The following GKAP1 variants were observed in gnomAD, a reference collection of about 807,000 sequenced individuals.
GKAP1 encodes G kinase anchoring protein 1.
GKAP1 carries 31 observed loss-of-function variants against 56.7 expected under a neutral mutation model. The ratio of observed to expected loss-of-function variants is 0.55; its 90% confidence interval spans 0.41 to 0.74. The LOEUF is 0.74. GKAP1 is among the 30% of genes least tolerant of loss of function. The pLI is 0.00. For synonymous variants in GKAP1, 151 were observed against 138.6 expected, an observed-to-expected ratio of 1.09 and a Z score of -0.63; for missense variants, 364 against 402.3, an observed-to-expected ratio of 0.90 and a Z score of 0.82.
intron 4 of GKAP1, 110 bp downstream of exon 4, chr9:83,799,075 C>A: frequency 2.3e-6 from 2 of 851,310 alleles, no homozygotes; most frequent in Non-Finnish European, 3.7e-6. Flanking sequence ...TGAATTAATC[C>A]AATACAAATT....
At chr9:83,804,724 G>A (rs543336202) in intron 3 of GKAP1, among the ~76,000 whole-genome samples, 5 of 148,432 alleles carry the variant, frequency 3.4e-5, no homozygotes, top group Non-Finnish European at 6.0e-5. Context: ...AGGGAGGTGG[G>A]GTCAGCCCCC....
chr9:83,752,650 C>G (rs1478612148), intron 9 of GKAP1, among the ~76,000 whole-genome samples: 3 of 152,106 alleles, frequency 2.0e-5, no homozygotes, highest in Non-Finnish European at 4.4e-5. Flanking sequence ...TTACACAATA[C>G]TGTGTATAAA....
intron 4 of GKAP1, among the ~76,000 whole-genome samples, chr9:83,796,363 C>T (rs921602748): frequency 6.6e-6 from 1 of 152,196 alleles, no homozygotes; most frequent in African/African-American, 2.4e-5. Flanking sequence ...CTCAAATTTT[C>T]CTTCACAGAA....
chr9:83,752,604 T>C (rs576130979), intron 9 of GKAP1, among the ~76,000 whole-genome samples: 3 of 152,178 alleles, frequency 2.0e-5, no homozygotes, highest in Middle Eastern at 6.8e-3. Flanking sequence ...CTGCCTGGGA[T>C]GATGAAAAAG....
rs367572889 is a variant in GKAP1, at chr9:83,815,809, C to A, written c.-44+1187G>T. On this transcript the variant is annotated intron_variant, in intron 2 of 12. Transcript: ENST00000376371. ...ATGGCACCAAGTATCACTGATTTAA[C>A]ACCTGGTGAAATAAAAAATTGTGTT... 2.2e-4 allele frequency among the ~76,000 whole-genome samples: 34 copies of A among 152,210 alleles called. 1 individual carries two copies. Among genetic ancestry groups the A allele is most frequent in the African/African-American group, 7.9e-4 (33 of 41,540 alleles).
At chr9:83,803,890 C>G (rs1464234673) in intron 3 of GKAP1, among the ~76,000 whole-genome samples, 2 of 149,670 alleles carry the variant, frequency 1.3e-5, no homozygotes, top group Admixed American at 6.6e-5. Flanking sequence ...ATGTGGGGAG[C>G]GCCTCTGCCC....
intron 3 of GKAP1, among the ~76,000 whole-genome samples, chr9:83,802,456 C>T (rs1457076374): frequency 7.0e-6 from 1 of 143,398 alleles, no homozygotes; most frequent in Admixed American, 7.2e-5. Flanking sequence ...AAACCCAGCT[C>T]GGGCAACAGA....
At chr9:83,795,156 CAAAAAAAAAAAA>C (rs1031439217) in intron 4 of GKAP1, among the ~76,000 whole-genome samples, 1 of 64,492 alleles carries the variant, frequency 1.6e-5, no homozygotes, top group African/African-American at 6.4e-5. Flanking sequence ...GACTCCATCT[CAAAAAAAAAAAA>C]AAAAAAAAAA....
intron 4 of GKAP1, chr9:83,792,878 G>A (rs1048900620): frequency 9.4e-6 from 3 of 320,172 alleles, no homozygotes; most frequent in Non-Finnish European, 1.4e-5. Context: ...TTATTTATGG[G>A]AGTAGGAGGA....
At chr9:83,761,273 A>T (rs1943565863) in intron 8 of GKAP1, among the ~76,000 whole-genome samples, 1 of 152,150 alleles carries the variant, frequency 6.6e-6, no homozygotes, top group South Asian at 2.1e-4. Flanking sequence ...AATTCAAAGG[A>T]TCATTAGTGG....
chr9:83,753,450 T>C (rs539475950), intron 8 of GKAP1, 91 bp from the exon 9 acceptor site: 3 of 844,418 alleles, frequency 3.6e-6, no homozygotes, highest in Non-Finnish European at 5.8e-6. Context: ...AGAGGAAAAA[T>C]TCTGACCTTA....
intron 8 of GKAP1, among the ~76,000 whole-genome samples, chr9:83,758,060 A>T (rs1221567613): frequency 1.3e-5 from 2 of 152,186 alleles, no homozygotes; most frequent in Admixed American, 6.6e-5. Context: ...AGGGGACAGG[A>T]TCAGGGATAA....
intron 2 of GKAP1, among the ~76,000 whole-genome samples, chr9:83,811,833 T>C (rs768018312): frequency 5.9e-5 from 9 of 151,876 alleles, no homozygotes; most frequent in Middle Eastern, 3.2e-3. Flanking sequence ...GCTAAGGGGA[T>C]AGGAGATGAA....
At chr9:83,771,280 C>T (rs1402191265) in intron 7 of GKAP1, among the ~76,000 whole-genome samples, 1 of 151,712 alleles carries the variant, frequency 6.6e-6, no homozygotes, top group South Asian at 2.1e-4. Context: ...GATGGGGTTT[C>T]ACCATGTTGG....
chr9:83,809,401 G>T (rs1818035065), intron 2 of GKAP1, among the ~76,000 whole-genome samples: 2 of 152,234 alleles, frequency 1.3e-5, no homozygotes, highest in Admixed American at 1.3e-4. Flanking sequence ...CTGCTCTGGA[G>T]TTATGTCAAC....
intron 3 of GKAP1, among the ~76,000 whole-genome samples, chr9:83,806,089 C>T (rs1278934625): frequency 6.6e-6 from 1 of 151,848 alleles, no homozygotes; most frequent in African/African-American, 2.4e-5. Context: ...TGCACTCCAG[C>T]CTAGGTGACA....
In GKAP1 at chr9:83,792,249, T is replaced by C. The variant is rs1564207909; in HGVS notation, c.361-3571A>G. The stretch of plus-strand genomic sequence containing the variant: ...GGCATAAGAGCAGTACCAAATGAAT[T>C]AGAATTACTCTCCCATGTTGGAGAA... On this transcript the variant is annotated intron_variant, in intron 4 of 12. Coordinates refer to ENST00000376371, the MANE Select transcript of GKAP1 (RefSeq NM_025211.4). Among the ~76,000 whole-genome samples, 8 of 152,298 alleles carry C rather than the reference T, an allele frequency of 5.3e-5. 1 individual carries two copies. The South Asian group carries it at 1.0e-3, about 20-fold the overall frequency.
intron 4 of GKAP1, chr9:83,789,078 A>T (rs1320659038): frequency 6.5e-6 from 1 of 153,828 alleles, no homozygotes; most frequent in Non-Finnish European, 1.4e-5. Flanking sequence ...GCATTATTAA[A>T]CACAATATGC....
intron 7 of GKAP1, among the ~76,000 whole-genome samples, chr9:83,779,468 CATATACATAT>C (rs1943920668): frequency 1.1e-5 from 1 of 93,476 alleles, no homozygotes. Context: ...CACACACGCA[CATATACATAT>C]ACATACATAT....
Sources: allele counts gnomAD v4.1 joint callset (sites outside exome capture counted in the v4.1 genomes callset), GRCh38; gene constraint gnomAD v4.1.1; transcripts MANE v1.5; gene names NCBI Gene and HGNC (gene_info 2026-07-23, HGNC 2026-07-21).